The following SLC24A2 variants were observed in gnomAD, a reference collection of about 807,000 sequenced individuals.
SLC24A2 encodes the protein sodium/potassium/calcium exchanger 2.
A neutral mutation model predicts 62.0 loss-of-function variants in SLC24A2; 36 were observed. The ratio of observed to expected loss-of-function variants is 0.58; its 90% CI spans 0.44 to 0.77. SLC24A2 has a LOEUF of 0.77. Ranked by LOEUF, SLC24A2 falls within the 30% of genes least tolerant of loss-of-function variation. SLC24A2 has a pLI of 0.00. For synonymous variants in SLC24A2, 358 were observed against 294.0 expected (o/e 1.22, Z -2.23); for missense variants, 846 against 817.9 (o/e 1.03, Z -0.42).
intron 2 of SLC24A2, among the ~76,000 whole-genome samples, chr9:19,725,926 T>C (rs770603826): frequency 7.2e-5 from 11 of 152,198 alleles, no homozygotes; most frequent in Non-Finnish European, 1.5e-4. Context: ...ACCCAATTCC[T>C]GCTCTGCCCT....
the SLC24A2 span, among the ~76,000 whole-genome samples, chr9:20,205,370 C>G: frequency 6.6e-6 from 1 of 151,870 alleles, no homozygotes; most frequent in South Asian, 2.1e-4. Flanking sequence ...AAGGTTAGGC[C>G]GGGCGCAATG....
At chr9:20,296,145 G>A in the SLC24A2 span, among the ~76,000 whole-genome samples, 129 of 152,320 alleles carry the variant, frequency 8.5e-4, no homozygotes, top group Middle Eastern at 0.014. Context: ...AATTGCAATA[G>A]CCAAGCAATA....
the SLC24A2 span, among the ~76,000 whole-genome samples, chr9:20,195,372 T>C: frequency 2.0e-5 from 3 of 152,284 alleles, no homozygotes; most frequent in East Asian, 3.9e-4. Context: ...ACATTTGGCA[T>C]CAGCAAACAT....
the SLC24A2 span, among the ~76,000 whole-genome samples, chr9:20,081,774 G>A: frequency 3.3e-5 from 5 of 152,048 alleles, no homozygotes; most frequent in Non-Finnish European, 5.9e-5. Context: ...ATCATTACTG[G>A]CCTATATTTT....
chr9:20,197,241 G>C, the SLC24A2 span, among the ~76,000 whole-genome samples: 3 of 152,072 alleles, frequency 2.0e-5, no homozygotes, highest in Non-Finnish European at 4.4e-5. Context: ...TTTATATAGA[G>C]AGGATTGCCA....
At chr9:19,998,944 AAGCC>A in the SLC24A2 span, among the ~76,000 whole-genome samples, 1 of 152,212 alleles carries the variant, frequency 6.6e-6, no homozygotes, top group Non-Finnish European at 1.5e-5. Flanking sequence ...AGACCAGCAG[AAGCC>A]AGAAATAAGC....
At chr9:20,213,511 A>G in the SLC24A2 span, among the ~76,000 whole-genome samples, 1 of 152,212 alleles carries the variant, frequency 6.6e-6, no homozygotes, top group African/African-American at 2.4e-5. Flanking sequence ...ATCAATAAAA[A>G]TGTATATTCA....
the SLC24A2 span, among the ~76,000 whole-genome samples, chr9:20,220,809 T>A: frequency 6.6e-6 from 1 of 152,166 alleles, no homozygotes; most frequent in African/African-American, 2.4e-5. Flanking sequence ...ATATTTCTCA[T>A]CATTTTTCAG....
chr9:19,891,807 G>A, the SLC24A2 span, among the ~76,000 whole-genome samples: 2 of 152,026 alleles, frequency 1.3e-5, no homozygotes, highest in African/African-American at 2.4e-5. Flanking sequence ...AACTAAGAGA[G>A]CAAGAACTCA....
At chr9:19,713,230 A>C (rs1820764286) in intron 2 of SLC24A2, among the ~76,000 whole-genome samples, 1 of 152,098 alleles carries the variant, frequency 6.6e-6, no homozygotes. Context: ...TGCATGAATG[A>C]AGGAAGGAAG....
the SLC24A2 span, among the ~76,000 whole-genome samples, chr9:19,942,674 C>A: frequency 6.6e-6 from 1 of 152,170 alleles, no homozygotes; most frequent in Non-Finnish European, 1.5e-5. Flanking sequence ...ATAATCAGAT[C>A]TTCAAAAGTA....
the SLC24A2 span, among the ~76,000 whole-genome samples, chr9:19,794,996 G>T: frequency 2.6e-5 from 4 of 152,228 alleles, no homozygotes; most frequent in Non-Finnish European, 5.9e-5. Flanking sequence ...GAGGAGCCAT[G>T]TGCCTTGAGC....
At chr9:19,694,537 T>C (rs906200440) in intron 2 of SLC24A2, among the ~76,000 whole-genome samples, 3 of 152,212 alleles carry the variant, frequency 2.0e-5, no homozygotes, top group Admixed American at 1.3e-4. Context: ...TAAATGTAAA[T>C]GCTGCCCAAA....
chr9:20,113,221 G>C, the SLC24A2 span, among the ~76,000 whole-genome samples: 3 of 152,106 alleles, frequency 2.0e-5, no homozygotes, highest in African/African-American at 7.2e-5. Flanking sequence ...TAGGGAACCA[G>C]GCAGCATGGC....
Position 19,788,985 on chromosome 9 carries a change from T to C in SLC24A2, c.-254A>G. The stretch of plus-strand genomic sequence containing the variant: ...CCTACCCGCTCTGAGGCCCGGGCTC[T>C]GGCTCGCACTGGCTGCCGCTCTCGC... On this transcript the variant is annotated 5_prime_UTR_variant, in exon 1 of 11. Coordinates refer to ENST00000341998, the MANE Select transcript of SLC24A2 (RefSeq NM_020344.4). 1.0e-6 allele frequency: 1 copy of C among 967,980 alleles called. No homozygotes were observed. The highest frequency in any genetic ancestry group is 1.2e-6 in the Non-Finnish European group (1 of 814,096). The allele number at this position is 967,980 out of a possible 1,614,324, so 60.0% of individuals were successfully genotyped here.
At chr9:20,288,345 T>A in the SLC24A2 span, among the ~76,000 whole-genome samples, 5 of 151,950 alleles carry the variant, frequency 3.3e-5, no homozygotes, top group South Asian at 4.2e-4. Flanking sequence ...TAAGGTGGCA[T>A]CAACACTCCT....
chr9:20,223,208 T>C, the SLC24A2 span, among the ~76,000 whole-genome samples: 18 of 152,134 alleles, frequency 1.2e-4, no homozygotes, highest in Admixed American at 2.0e-4. Context: ...TATAACTTTA[T>C]GGAAGAAGCT....
chr9:20,226,545 C>T, the SLC24A2 span, among the ~76,000 whole-genome samples: 26 of 152,196 alleles, frequency 1.7e-4, no homozygotes, highest in Non-Finnish European at 2.8e-4. Flanking sequence ...GGCAGGTGGG[C>T]GGCCAGAGAT....
chr9:20,217,029 A>C, the SLC24A2 span, among the ~76,000 whole-genome samples: 1 of 152,208 alleles, frequency 6.6e-6, no homozygotes, highest in Non-Finnish European at 1.5e-5. Context: ...AAAGTCAAGA[A>C]GAAAAATGTT....
Sources: gnomAD v4.1 joint callset for allele counts (sites outside exome capture counted in the v4.1 genomes callset) on GRCh38, gnomAD v4.1.1 for gene constraint, MANE v1.5 for transcripts, NCBI Gene and HGNC (gene_info 2026-07-23, HGNC 2026-07-21) for gene names.